MAVS: variants seen among roughly 807,000 people sequenced by gnomAD.
MAVS encodes the protein mitochondrial antiviral signaling protein.
In MAVS, 20 loss-of-function variants were observed where a neutral mutation model predicts 30.2. The ratio of observed to expected loss-of-function variants is 0.66; its 90% CI spans 0.47 to 0.96. MAVS has a LOEUF of 0.96. Ranked by LOEUF, MAVS falls within the 40% of genes least tolerant of loss-of-function variation. MAVS has a pLI of 0.00. For missense variants in MAVS, 624 were observed against 701.1 expected (o/e 0.89, Z 1.24); for synonymous variants, 278 against 293.9 (o/e 0.95, Z 0.55).
Position 3,848,152 on chromosome 20 carries a change from C to T in MAVS, c.-68+1249C>T, listed in dbSNP as rs192990536. ...TCTCACTCTCTTGCCCAGGCTGGAG[C>T]GCAGTGGTCCAATCTTGGCTCACTG... On this transcript the variant is annotated intron_variant, in intron 1 of 6. Coordinates refer to ENST00000428216, the MANE Select transcript of MAVS (RefSeq NM_020746.5). 1.1e-3 allele frequency among the ~76,000 whole-genome samples: 172 copies of T among 151,914 alleles called. 3 individuals are homozygous for T. The East Asian group carries it at 0.026, about 23-fold the overall frequency.
Position 3,864,589 on chromosome 20 carries a change from G to C in MAVS, c.959G>C (p.Ser320Thr). ...LKVPANPASV[S>T]TVPSKLPTSS... ...GTGCCTGCCAACCCAGCATCTGTCA[G>C]CACAGTGCCCTCCAAGTTGCCAACT... The change falls in exon 6 of 7, where the codon AGC becomes ACC. Residue 320 changes from serine to threonine, a missense_variant. Transcript: ENST00000428216. The C allele has an allele frequency of 6.2e-7, 1 of 1,614,164 alleles. No individual in the cohort carries two copies. Among genetic ancestry groups the C allele is most frequent in the Non-Finnish European group, 8.5e-7 (1 of 1,180,040 alleles).
Position 3,862,277 on chromosome 20 carries a change from G to A in MAVS, c.489G>A (p.Thr163=), listed in dbSNP as rs150835407. Residue 163 remains threonine, a synonymous_variant, in exon 5 of 7, where the codon ACG becomes ACA. Coordinates refer to ENST00000428216, the MANE Select transcript of MAVS (RefSeq NM_020746.5). Reference sequence around the variant, plus strand: ...AGAATTCAGAGCAAGCCCTGCAGACGCTCAGCCCCAGAGCCATCCCAAGGA... The same window carrying A: ...AGAATTCAGAGCAAGCCCTGCAGACACTCAGCCCCAGAGCCATCCCAAGGA... The part of the protein sequence containing the change: ...PGENSEQALQ[T]LSPRAIPRNP... 1.1e-5 allele frequency: 17 copies of A among 1,613,688 alleles called. No individual in the cohort carries two copies. Among genetic ancestry groups the A allele is most frequent in the East Asian group, 2.2e-5 (1 of 44,878 alleles).
intron 2 of MAVS, among the ~76,000 whole-genome samples, chr20:3,855,168 C>T (rs1201122444): frequency 2.0e-5 from 3 of 151,998 alleles, no homozygotes; most frequent in African/African-American, 4.8e-5. Flanking sequence ...GGATTACAGG[C>T]GTGAGCCACC....
rs753680631 is a variant in MAVS at position 3,865,775 on chromosome 20, G to A, written c.1251G>A (p.Glu417=). 6.2e-7 allele frequency: 1 copy of A among 1,613,666 alleles called. No homozygotes were observed. The highest frequency in any genetic ancestry group is 1.3e-5 in the African/African-American group (1 of 74,944). Reference sequence around the variant, plus strand: ...CTGAGAATAGGGGCCTTGGGTCGGAGCTGAGTAAGCCTGGCGTGCTGGCAT... The same window carrying A: ...CTGAGAATAGGGGCCTTGGGTCGGAACTGAGTAAGCCTGGCGTGCTGGCAT... The part of the protein sequence containing the change: ...SSSENRGLGS[E]LSKPGVLASQ... Residue 417 remains glutamate, a synonymous_variant, in exon 7 of 7, where the codon GAG becomes GAA. Transcript: ENST00000428216. This position sits in a 1 kb window ranked among gnomAD's most constrained non-coding sequence, Gnocchi z 4.7.
chr20:3,854,638 A>T lies in MAVS; in HGVS notation c.14A>T (p.Glu5Val), dbSNP rs1331703637. The change falls in exon 2 of 7, where the codon GAA becomes GTA. Residue 5 changes from glutamate to valine, a missense_variant. By Grantham distance (121) the Glu-to-Val change is moderately radical. Coordinates refer to ENST00000428216, the MANE Select transcript of MAVS (RefSeq NM_020746.5). MPFAEDKTYKYICRN... is the reference protein window; with the variant it reads MPFAVDKTYKYICRN... ...ATCTGAGCAGCAATGCCGTTTGCTG[A>T]AGACAAGACCTATAAGTATATCTGC... The T allele has an allele frequency of 1.7e-5, 27 of 1,613,176 alleles. No individual in the cohort carries two copies. The highest frequency in any genetic ancestry group is 2.2e-5 in the Non-Finnish European group (26 of 1,179,496).
intron 3 of MAVS, among the ~76,000 whole-genome samples, chr20:3,859,832 T>A (rs1036013054): frequency 3.3e-5 from 5 of 152,032 alleles, no homozygotes; most frequent in African/African-American, 1.2e-4. Context: ...TCCTTTTTTT[T>A]TTGAAATGGA....
At position 3,865,496 on chromosome 20, in the gene MAVS, CA is replaced by C. The variant is rs1190243722; in HGVS notation, c.1159-186del. Among the ~76,000 whole-genome samples the C allele has an allele frequency of 3.3e-5, 5 of 152,094 alleles. No individual in the cohort carries two copies. Among genetic ancestry groups the C allele is most frequent in the Admixed American group, 6.6e-5 (1 of 15,256 alleles). ...GAAAGGCTGCCCTGGAGGAGGCCACCATTGGTGCAGATTCTTGGTCCCCTCT... is the reference window on the plus strand; with the variant it reads ...GAAAGGCTGCCCTGGAGGAGGCCACCTTGGTGCAGATTCTTGGTCCCCTCT... On this transcript the variant is annotated intron_variant, in intron 6 of 6. Coordinates refer to ENST00000428216, the MANE Select transcript of MAVS (RefSeq NM_020746.5). This position sits in a 1 kb window ranked among gnomAD's most constrained non-coding sequence, Gnocchi z 4.7.
At chr20:3,849,451 C>T (rs771179124) in intron 1 of MAVS, among the ~76,000 whole-genome samples, 10 of 152,294 alleles carry the variant, frequency 6.6e-5, no homozygotes, top group East Asian at 5.8e-4. Flanking sequence ...GTGATCCACC[C>T]GCCTAGGCCT....
At position 3,874,028 on chromosome 20, in the gene MAVS, G is replaced by A. The variant is rs926062409; in HGVS notation, c.*7881G>A. 21 of 397,538 alleles carry A rather than the reference G, an allele frequency of 5.3e-5. No individual in the cohort carries two copies. Among genetic ancestry groups the A allele is most frequent in the African/African-American group, 1.2e-4 (6 of 48,396 alleles). The allele number at this position is 397,538 out of a possible 1,614,324, so 24.6% of individuals were successfully genotyped here. On this transcript the variant is annotated 3_prime_UTR_variant, in exon 7 of 7. Transcript: ENST00000428216. ...CAAATGTCCATCCACCAACCCAAAT[G>A]TCCATCCACAGTTGAAGCTACAGTG...
Position 3,874,230 on chromosome 20 carries a change from A to C in MAVS, c.*8083A>C, listed in dbSNP as rs1034759304. ...CCTACAAAAAGTACAGAAATAAGCAAAACTGATCCATGGTGTTAGAAGCCA... is the reference window on the plus strand; with the variant it reads ...CCTACAAAAAGTACAGAAATAAGCACAACTGATCCATGGTGTTAGAAGCCA... On this transcript the variant is annotated 3_prime_UTR_variant, in exon 7 of 7. Coordinates refer to ENST00000428216, the MANE Select transcript of MAVS (RefSeq NM_020746.5). 1 of 398,510 alleles carries C rather than the reference A, an allele frequency of 2.5e-6. No homozygotes were observed. The highest frequency in any genetic ancestry group is 2.1e-5 in the African/African-American group (1 of 48,634). The allele number at this position is 398,510 out of a possible 1,614,324, so 24.7% of individuals were successfully genotyped here. A position where few individuals can be genotyped will look rare whatever the true frequency, so the allele number is the denominator to read the frequency against.
chr20:3,861,144 C>T (rs1394535092), intron 3 of MAVS, among the ~76,000 whole-genome samples, 188 bp from the exon 4 acceptor site: 8 of 152,126 alleles, frequency 5.3e-5, no homozygotes, highest in Non-Finnish European at 1.2e-4. Flanking sequence ...AGGGGCCCGC[C>T]ACCATGCCCG....
In MAVS at chr20:3,849,703, T is replaced by C. The variant is rs578116936; in HGVS notation, c.-68+2800T>C. On this transcript the variant is annotated intron_variant, in intron 1 of 6. Transcript: ENST00000428216. ...CTTTGACCCCCTAGTTCAAGTAGCA[T>C]GCCTGTCTCCAGGGGCTCTGTCTCA... Among the ~76,000 whole-genome samples the C allele has an allele frequency of 1.5e-3, 229 of 152,324 alleles. 3 individuals are homozygous for C. Among genetic ancestry groups the C allele is most frequent in the African/African-American group, 5.2e-3 (217 of 41,590 alleles).
In MAVS at chr20:3,866,245, G is replaced by A; in HGVS notation, c.*98G>A. 4 of 1,231,758 alleles carry A rather than the reference G, an allele frequency of 3.2e-6. No individual in the cohort carries two copies. Among genetic ancestry groups the A allele is most frequent in the Non-Finnish European group, 4.4e-6 (4 of 908,882 alleles). 76.3% of individuals were successfully genotyped at this position (1,231,758 alleles called of 1,614,324 possible). ...TTGTCCCTTTCTTGGGGATTGTGGA[G>A]GCTGGGTCAGAGGGGAGTTAAGGGA... On this transcript the variant is annotated 3_prime_UTR_variant, in exon 7 of 7. Coordinates refer to ENST00000428216, the MANE Select transcript of MAVS (RefSeq NM_020746.5).
At position 3,865,865 on chromosome 20, in the gene MAVS, G is replaced by C. The variant is rs1402451241; in HGVS notation, c.1341G>C (p.Leu447Phe). ...TTGCCATCAGTGCCAGCACCTCCTT[G>C]GGCATGGGGCCCTGCCATGGCCCAG... ...EDLAISASTSLGMGPCHGPEE... is the reference protein window; with the variant it reads ...EDLAISASTSFGMGPCHGPEE... Residue 447 changes from leucine to phenylalanine, a missense_variant, in exon 7 of 7, where the codon TTG (leucine) becomes TTC (phenylalanine). Transcript: ENST00000428216. The surrounding 1 kb of genome is among the most constrained non-coding windows in gnomAD (Gnocchi z 4.7). 3 of 1,613,934 alleles carry C rather than the reference G, an allele frequency of 1.9e-6. No homozygotes were observed. The highest frequency in any genetic ancestry group is 1.7e-5 in the Admixed American group (1 of 60,000).
In MAVS at chr20:3,875,738, G is replaced by A. The variant is rs750767295; in HGVS notation, c.*9591G>A. 5.9e-5 allele frequency: 9 copies of A among 152,358 alleles called. No homozygotes were observed. The highest frequency in any genetic ancestry group is 1.0e-4 in the Non-Finnish European group (7 of 68,066). 9.4% of individuals were successfully genotyped at this position (152,358 alleles called of 1,614,324 possible). On this transcript the variant is annotated 3_prime_UTR_variant, in exon 7 of 7. Transcript: ENST00000428216. ...CAAATCTGTCCTCCCCCAGAGCTCA[G>A]TCCCTCTGCCCTTGGGTGTCCTTGG... is the stretch of plus-strand genomic sequence containing the variant.
chr20:3,853,750 C>A (rs2089784830), intron 1 of MAVS, among the ~76,000 whole-genome samples: 1 of 151,966 alleles, frequency 6.6e-6, no homozygotes, highest in Admixed American at 6.6e-5. Context: ...ACTATTATTG[C>A]ACCACTGCAC....
chr20:3,857,896 TTC>T (rs775673112), intron 3 of MAVS, 87 bp downstream of exon 3: 1 of 1,403,186 alleles, frequency 7.1e-7, no homozygotes, highest in African/African-American at 1.4e-5. Context: ...CTTCCTGCCT[TTC>T]TCTGTCATCC....
intron 2 of MAVS, among the ~76,000 whole-genome samples, chr20:3,857,035 G>GAAA (rs753537485): frequency 1.2e-5 from 1 of 84,452 alleles, no homozygotes; most frequent in Non-Finnish European, 2.5e-5. Context: ...GACTCCGTCT[G>GAAA]AAAAAAAAAA....
At chr20:3,855,924 G>T (rs369988862) in intron 2 of MAVS, among the ~76,000 whole-genome samples, 10 of 151,916 alleles carry the variant, frequency 6.6e-5, no homozygotes, top group African/African-American at 2.4e-4. Flanking sequence ...GGTTACAGGC[G>T]CATGCCACCA....
Sources: gnomAD v4.1 joint callset for allele counts (sites outside exome capture counted in the v4.1 genomes callset) on GRCh38, gnomAD v4.1.1 for gene constraint, Gnocchi (gnomAD v3.1) non-coding constraint, MANE v1.5 for transcripts, NCBI Gene and HGNC (gene_info 2026-07-23, HGNC 2026-07-21) for gene names.